Variants in PLXNA2 observed in about 807,000 individuals in gnomAD.
The protein encoded by PLXNA2 is plexin-A2.
A neutral mutation model predicts 193.5 loss-of-function variants in PLXNA2; 91 were observed. That is an observed-to-expected ratio of 0.47 (90% confidence interval 0.40 to 0.56). The LOEUF (loss-of-function observed/expected upper bound fraction) is 0.56, where lower values mean the gene tolerates loss of function less well. Ranked by LOEUF, PLXNA2 falls within the 20% of genes least tolerant of loss-of-function variation. The pLI is 0.00. For missense variants in PLXNA2, 1,995 were observed against 2,503.2 expected (o/e 0.80, Z 4.33); for synonymous variants, 997 against 1,027.3 (o/e 0.97, Z 0.56).
chr1:208,030,954 T>C (rs891260562), intron 29 of PLXNA2: 34 of 986,464 alleles, frequency 3.4e-5, no homozygotes, highest in Non-Finnish European at 4.1e-5. Flanking sequence ...GTTGCAGAGA[T>C]GACTTTAGGG....
At chr1:208,034,890 A>C (rs534305015) in intron 26 of PLXNA2, among the ~76,000 whole-genome samples, 34 of 152,346 alleles carry the variant, frequency 2.2e-4, no homozygotes, top group African/African-American at 6.7e-4. Flanking sequence ...TACATGCTGG[A>C]TTTCAATGAC....
Position 208,054,462 on chromosome 1 carries a change from G to A in PLXNA2, c.2815C>T (p.Pro939Ser). The A allele has an allele frequency of 6.2e-7, 1 of 1,614,224 alleles. No homozygotes were observed. ...TGATGGGACTTCGTCATGAACTCTG[G>A]CTTACACTCGCCAATACACAGGCGT... The part of the protein sequence containing the change: ...PVRLCIGECK[P>S]EFMTKSHQQY... The change falls in exon 14 of 32, where the codon CCA becomes TCA. Residue 939 changes from proline to serine, a missense_variant. By Grantham distance (74) the Pro-to-Ser change is moderately conservative. Transcript: ENST00000367033.
Position 208,210,281 on chromosome 1 carries a change from T to C in PLXNA2, c.1370A>G (p.Lys457Arg). The C allele has an allele frequency of 6.2e-7, 1 of 1,613,454 alleles. No individual in the cohort carries two copies. The highest frequency in any genetic ancestry group is 1.1e-5 in the South Asian group (1 of 91,044). The change falls in exon 3 of 32, where the codon AAG (lysine) becomes AGG (arginine). Residue 457 changes from lysine (K) to arginine (R), a missense_variant and splice_region_variant. This residue lies in a region of PLXNA2 where 702 missense variants were observed against 812.9 expected (regional missense o/e 0.86). Transcript: ENST00000367033. ...FVGTKSGKLK[K>R]IRADGPPHGG... Reference sequence around the variant, plus strand: ...GCATCTGAACTCATAGACTCTTACCTTTTTCAGCTTGCCACTCTTAGTCCC... The same window carrying C: ...GCATCTGAACTCATAGACTCTTACCCTTTTCAGCTTGCCACTCTTAGTCCC...
intron 2 of PLXNA2, among the ~76,000 whole-genome samples, chr1:208,214,278 G>A (rs1170595663): frequency 6.6e-6 from 1 of 152,134 alleles, no homozygotes; most frequent in African/African-American, 2.4e-5. Flanking sequence ...CAGGTATTGT[G>A]CTAAGCACTT....
intron 12 of PLXNA2, among the ~76,000 whole-genome samples, chr1:208,077,391 C>T (rs528388485): frequency 2.0e-5 from 3 of 152,272 alleles, no homozygotes; most frequent in South Asian, 2.1e-4. Flanking sequence ...CCCCGGTCAG[C>T]GAGCAGGGGC....
intron 1 of PLXNA2, among the ~76,000 whole-genome samples, chr1:208,230,836 C>A (rs555003380): frequency 6.6e-6 from 1 of 152,314 alleles, no homozygotes; most frequent in South Asian, 2.1e-4. Context: ...CCTTAGCTGT[C>A]AGACAGCCTC....
At chr1:208,063,586 TC>T (rs1665684965) in intron 12 of PLXNA2, among the ~76,000 whole-genome samples, 1 of 152,096 alleles carries the variant, frequency 6.6e-6, no homozygotes, top group Non-Finnish European at 1.5e-5. Context: ...TTAAACCAGG[TC>T]CACAGGGCTT....
At chr1:208,155,565 G>A (rs557538676) in intron 3 of PLXNA2, among the ~76,000 whole-genome samples, 16 of 152,294 alleles carry the variant, frequency 1.1e-4, no homozygotes, top group African/African-American at 3.6e-4. Flanking sequence ...GCCTCTCATA[G>A]CTTTTGACAA....
chr1:208,173,455 ATGT>A (rs1409167965), intron 3 of PLXNA2, among the ~76,000 whole-genome samples: 1 of 152,196 alleles, frequency 6.6e-6, no homozygotes, highest in Non-Finnish European at 1.5e-5. Flanking sequence ...TGTGCATCCC[ATGT>A]TATTATGTTC....
At chr1:208,105,099 G>A (rs1006590294) in intron 4 of PLXNA2, among the ~76,000 whole-genome samples, 1 of 152,220 alleles carries the variant, frequency 6.6e-6, no homozygotes, top group African/African-American at 2.4e-5. Context: ...GGAGTCCGGA[G>A]TTCAGGTCTC....
Position 208,025,456 on chromosome 1 carries a change from T to C in PLXNA2, c.*1787A>G, listed in dbSNP as rs1385036138. 2 of 152,288 alleles carry C rather than the reference T, an allele frequency of 1.3e-5. No individual in the cohort carries two copies. The highest frequency in any genetic ancestry group is 2.4e-5 in the African/African-American group (1 of 41,456). 9.4% of individuals were successfully genotyped at this position (152,288 alleles called of 1,614,324 possible). A position where few individuals can be genotyped will look rare whatever the true frequency, so the allele number is the denominator to read the frequency against. ...GAGCTGGTCTAGCTTCCCAGCATCA[T>C]AGCCTAGGATTCCTGACCCTTTGAA... On this transcript the variant is annotated 3_prime_UTR_variant, in exon 32 of 32. Transcript: ENST00000367033.
intron 4 of PLXNA2, among the ~76,000 whole-genome samples, chr1:208,128,882 T>C (rs1360816799): frequency 6.6e-6 from 1 of 152,030 alleles, no homozygotes; most frequent in Admixed American, 6.6e-5. Flanking sequence ...TTTGTATTTT[T>C]AGTAGAGACG....
At chr1:208,170,593 G>A (rs1192930543) in intron 3 of PLXNA2, among the ~76,000 whole-genome samples, 7 of 152,208 alleles carry the variant, frequency 4.6e-5, no homozygotes, top group Non-Finnish European at 1.0e-4. Context: ...GTTCAACCAA[G>A]CACAAGAAAA....
intron 12 of PLXNA2, among the ~76,000 whole-genome samples, chr1:208,070,944 C>T (rs947390744): frequency 5.9e-5 from 9 of 151,848 alleles, no homozygotes; most frequent in Non-Finnish European, 7.4e-5. Context: ...TTTTCACGAG[C>T]GTCCTGTGCA....
At chr1:208,189,725 A>C (rs2102562003) in intron 3 of PLXNA2, among the ~76,000 whole-genome samples, 1 of 152,228 alleles carries the variant, frequency 6.6e-6, no homozygotes, top group Admixed American at 6.5e-5. Context: ...TACCCAATAT[A>C]ATCCTCTTAG....
In PLXNA2 at chr1:208,216,972, C is replaced by T. The variant is rs1455810449; in HGVS notation, c.951G>A (p.Lys317=). The T allele has an allele frequency of 1.2e-6, 2 of 1,613,220 alleles. No individual in the cohort carries two copies. Among genetic ancestry groups the T allele is most frequent in the African/African-American group, 1.3e-5 (1 of 74,926 alleles). Residue 317 remains lysine (K), a synonymous_variant, in exon 2 of 32, where the codon AAG becomes AAA. Coordinates refer to ENST00000367033, the MANE Select transcript of PLXNA2 (RefSeq NM_025179.4). ...AGGCCTGGGCCAGTGAGTCCCCAGG[C>T]TTGGCCAGGTAAGCAGCCTGCAGGA... ...YRLLQAAYLA[K]PGDSLAQAFN...
chr1:208,060,851 A>G lies in PLXNA2; in HGVS notation c.2587-14T>C, dbSNP rs774313746. On this transcript the variant is annotated splice_polypyrimidine_tract_variant and intron_variant, in intron 12 of 31. Transcript: ENST00000367033. Reference sequence around the variant, plus strand: ...CACCGTCAAAATCTGCAGGAGGGAAATGGGATTAGCAATTTGGTTTGGTCA... The same window carrying G: ...CACCGTCAAAATCTGCAGGAGGGAAGTGGGATTAGCAATTTGGTTTGGTCA... 3.1e-6 allele frequency: 5 copies of G among 1,613,150 alleles called. No individual in the cohort carries two copies. Among genetic ancestry groups the G allele is most frequent in the Non-Finnish European group, 4.2e-6 (5 of 1,179,510 alleles).
At chr1:208,041,287 C>T (rs570932921) in intron 22 of PLXNA2, among the ~76,000 whole-genome samples, 12 of 152,234 alleles carry the variant, frequency 7.9e-5, no homozygotes, top group African/African-American at 2.6e-4. Context: ...GGGTGGTGAA[C>T]GGAGGTGCAG....
At chr1:208,231,974 C>T (rs939154997) in intron 1 of PLXNA2, among the ~76,000 whole-genome samples, 2 of 152,242 alleles carry the variant, frequency 1.3e-5, no homozygotes, top group Non-Finnish European at 2.9e-5. Context: ...TGTTACTACT[C>T]TTTGCAAATG....
Sources: gnomAD v4.1 joint callset for allele counts (sites outside exome capture counted in the v4.1 genomes callset) on GRCh38, gnomAD v4.1.1 for gene constraint, gnomAD v4.1.1 regional missense constraint, MANE v1.5 for transcripts, NCBI Gene and HGNC (gene_info 2026-07-23, HGNC 2026-07-21) for gene names.